Variants in PRDM1 observed in about 807,000 individuals in gnomAD.
PRDM1 encodes the protein PR domain zinc finger protein 1.
Under a neutral mutation model 62.8 loss-of-function variants are expected in PRDM1, and 13 were observed. The observed-to-expected ratio is 0.21, with a 90% CI of 0.13 to 0.33. The LOEUF (loss-of-function observed/expected upper bound fraction) is 0.33, where lower values mean the gene tolerates loss of function less well. Ranked by LOEUF, PRDM1 falls within the 10% of genes least tolerant of loss-of-function variation. PRDM1 has a pLI of 1.00. For synonymous variants in PRDM1, 396 were observed against 417.6 expected (o/e 0.95, Z 0.63); for missense variants, 895 against 1,058.8 (o/e 0.85, Z 2.15).
upstream of PRDM1, among the ~76,000 whole-genome samples, chr6:106,083,858 T>C (rs934249763): frequency 6.6e-6 from 1 of 152,136 alleles, no homozygotes; most frequent in Non-Finnish European, 1.5e-5. Context: ...CTCTGATAGC[T>C]CTCTCTGCAC....
In PRDM1 at chr6:106,107,276, GA is replaced by G; in HGVS notation, c.2270del (p.Lys757ArgfsTer16). Reference protein sequence around the residue: ...DDISVISVVEKEILAVVRKEK... With the variant: ...DDISVISVVEXEILAVVRKEK... ...ACATCAGTGTGATCTCTGTAGTGGA[GA>G]AGGAAATTCTGGCCGTGGTCAGAAA... On this transcript the variant is annotated frameshift_variant, in exon 7 of 7. Coordinates refer to ENST00000369096, the MANE Select transcript of PRDM1 (RefSeq NM_001198.4). LOFTEE classifies it high-confidence loss of function. The G allele has an allele frequency of 6.2e-7, 1 of 1,614,202 alleles. No individual in the cohort carries two copies. The highest frequency in any genetic ancestry group is 8.5e-7 in the Non-Finnish European group (1 of 1,180,040).
intron 2 of PRDM1, among the ~76,000 whole-genome samples, chr6:106,095,319 C>T (rs1774081683): frequency 6.6e-6 from 1 of 152,132 alleles, no homozygotes; most frequent in South Asian, 2.1e-4. Context: ...GTTATATTCG[C>T]TGTTCTAGCA....
Position 106,108,557 on chromosome 6 carries a change from A to G in PRDM1, c.*1071A>G, listed in dbSNP as rs531221216. On this transcript the variant is annotated 3_prime_UTR_variant, in exon 7 of 7. Transcript: ENST00000369096. ...TTTTTTTTTTTAATGTCAAAATTGCACAAACATGGTGCTCTACCAGGAAGG... is the reference window on the plus strand; with the variant it reads ...TTTTTTTTTTTAATGTCAAAATTGCGCAAACATGGTGCTCTACCAGGAAGG... 1 of 208,654 alleles carries G rather than the reference A, an allele frequency of 4.8e-6. No individual in the cohort carries two copies. Among genetic ancestry groups the G allele is most frequent in the East Asian group, 6.3e-5 (1 of 15,920 alleles). 12.9% of individuals were successfully genotyped at this position (208,654 alleles called of 1,614,324 possible). A position where few individuals can be genotyped will look rare whatever the true frequency, so the allele number is the denominator to read the frequency against.
rs1772943845 is a variant in PRDM1 at position 106,037,940 on chromosome 6, T to C, written c.-67+44301T>C. On this transcript the variant is annotated intron_variant, in intron 1 of 6. Coordinates refer to the PRDM1 transcript ENST00000652320. Reference sequence around the variant, plus strand: ...TGTGTCTTGTGATTGTTGCTGGAAGTTGGACATTCGAAACAAATAATGTGA... The same window carrying C: ...TGTGTCTTGTGATTGTTGCTGGAAGCTGGACATTCGAAACAAATAATGTGA... Among the ~76,000 whole-genome samples, 5 of 151,242 alleles carry C rather than the reference T, an allele frequency of 3.3e-5. No individual in the cohort carries two copies. The South Asian group carries it at 1.0e-3, about 31-fold the overall frequency.
intron 1 of PRDM1, among the ~76,000 whole-genome samples, chr6:106,061,705 A>G (rs1261684948): frequency 6.6e-6 from 1 of 152,224 alleles, no homozygotes; most frequent in Non-Finnish European, 1.5e-5. Context: ...AAGCTTAGAG[A>G]CATTGAGTGA....
intron 2 of PRDM1, among the ~76,000 whole-genome samples, chr6:106,090,713 G>A (rs991539401): frequency 6.6e-6 from 1 of 152,172 alleles, no homozygotes; most frequent in Non-Finnish European, 1.5e-5. Flanking sequence ...AATAGGAAGA[G>A]TCTTTCTACA....
chr6:106,095,946 C>G (rs2114631607), intron 3 of PRDM1: 1 of 502,392 alleles, frequency 2.0e-6, no homozygotes, highest in Non-Finnish European at 3.5e-6. Flanking sequence ...GAGATACGGG[C>G]TATATGTGAA....
intron 1 of PRDM1, among the ~76,000 whole-genome samples, chr6:106,075,588 T>C (rs998395917): frequency 6.6e-6 from 1 of 152,242 alleles, no homozygotes; most frequent in Non-Finnish European, 1.5e-5. Flanking sequence ...TCCTGTAGGA[T>C]CACCCTCATT....
intron 1 of PRDM1, among the ~76,000 whole-genome samples, chr6:106,011,609 T>C (rs1287110588): frequency 1.3e-5 from 2 of 152,052 alleles, no homozygotes; most frequent in African/African-American, 4.8e-5. Context: ...CATTCCCTCC[T>C]GCCTTCTCAC....
chr6:106,108,328 C>T lies in PRDM1; in HGVS notation c.*842C>T, dbSNP rs1774569314. 4.3e-6 allele frequency: 1 copy of T among 233,704 alleles called. No homozygotes were observed. Among genetic ancestry groups the T allele is most frequent in the Non-Finnish European group, 8.5e-6 (1 of 118,006 alleles). 14.5% of individuals were successfully genotyped at this position (233,704 alleles called of 1,614,324 possible). The stretch of plus-strand genomic sequence containing the variant: ...CAGAATCCTCCCACCGCCCTGCCCT[C>T]CCCACCGAGTCCTGTGGCCATTCAG... On this transcript the variant is annotated 3_prime_UTR_variant, in exon 7 of 7. Transcript: ENST00000369096.
intron 1 of PRDM1, among the ~76,000 whole-genome samples, chr6:106,039,956 C>T (rs1401390951): frequency 6.6e-6 from 1 of 152,184 alleles, no homozygotes; most frequent in Non-Finnish European, 1.5e-5. Context: ...TCTGGCCTGT[C>T]CACCTCTATA....
chr6:106,056,272 G>A (rs548299101), intron 1 of PRDM1, among the ~76,000 whole-genome samples: 6 of 152,258 alleles, frequency 3.9e-5, no homozygotes, highest in Admixed American at 1.3e-4. Flanking sequence ...GGAGAAGCAC[G>A]GAGAGTCTGC....
chr6:106,088,131 A>G (rs1026449355), intron 1 of PRDM1, 70 bp from the exon 2 acceptor site: 2 of 1,522,108 alleles, frequency 1.3e-6, no homozygotes, highest in Non-Finnish European at 1.8e-6. Flanking sequence ...TGTATTAGTC[A>G]TAGCCTCTCA....
intron 1 of PRDM1, among the ~76,000 whole-genome samples, chr6:106,027,709 A>G (rs1182254264): frequency 6.6e-6 from 1 of 152,214 alleles, no homozygotes; most frequent in African/African-American, 2.4e-5. Flanking sequence ...AATAATGTAT[A>G]TTCTTCTATT....
At position 106,019,095 on chromosome 6, in the gene PRDM1, G is replaced by A. The variant is rs138483567; in HGVS notation, c.-67+25456G>A. Reference sequence around the variant, plus strand: ...AGCCTTGCAAACATGGTGAAACCCCGTCTCTACTAAAAATACAAAAATTAG... The same window carrying A: ...AGCCTTGCAAACATGGTGAAACCCCATCTCTACTAAAAATACAAAAATTAG... On this transcript the variant is annotated intron_variant, in intron 1 of 6. Transcript: ENST00000652320. 8.5e-3 allele frequency among the ~76,000 whole-genome samples: 1,286 copies of A among 151,732 alleles called. 11 individuals are homozygous for A. Among genetic ancestry groups the A allele is most frequent in the Middle Eastern group, 0.024 (7 of 294 alleles).
At chr6:106,050,174 G>C (rs941106417) in intron 1 of PRDM1, among the ~76,000 whole-genome samples, 6 of 152,132 alleles carry the variant, frequency 3.9e-5, no homozygotes, top group Non-Finnish European at 7.4e-5. Context: ...TCAGATATGT[G>C]CCTTGGATCC....
At chr6:106,076,218 G>A (rs772955417) in intron 1 of PRDM1, among the ~76,000 whole-genome samples, 4 of 152,014 alleles carry the variant, frequency 2.6e-5, no homozygotes, top group Admixed American at 6.6e-5. Flanking sequence ...CCCAAAGTGC[G>A]ACATCCCAAA....
chr6:106,094,340 T>C (rs1774034836), intron 2 of PRDM1, among the ~76,000 whole-genome samples: 2 of 152,132 alleles, frequency 1.3e-5, no homozygotes, highest in African/African-American at 4.8e-5. Flanking sequence ...AGTGAGAGAA[T>C]AAAAACCAAA....
At chr6:106,054,245 G>A (rs1773228773) in intron 1 of PRDM1, among the ~76,000 whole-genome samples, 1 of 150,300 alleles carries the variant, frequency 6.7e-6, no homozygotes, top group Admixed American at 6.6e-5. Flanking sequence ...TACAAACTCA[G>A]GTATTTTACA....
Sources: allele counts gnomAD v4.1 joint callset (sites outside exome capture counted in the v4.1 genomes callset), GRCh38; gene constraint gnomAD v4.1.1; transcripts MANE v1.5; gene names NCBI Gene and HGNC (gene_info 2026-07-23, HGNC 2026-07-21).